The following CNKSR1 variants were observed in gnomAD, a reference collection of about 807,000 sequenced individuals.
CNKSR1 encodes connector enhancer of kinase suppressor of Ras 1, also known as CNK homolog protein 1.
In CNKSR1, 88 loss-of-function variants were observed where a neutral mutation model predicts 95.6. The ratio of observed to expected loss-of-function variants is 0.92; its 90% CI spans 0.78 to 1.10. The LOEUF (loss-of-function observed/expected upper bound fraction) is 1.10. CNKSR1 is among the 50% of genes least tolerant of loss of function. CNKSR1 has a pLI of 0.00. For missense variants in CNKSR1, 836 were observed against 912.0 expected (o/e 0.92, Z 1.07); for synonymous variants, 355 against 369.7 (o/e 0.96, Z 0.46).
intron 4 of CNKSR1, 112 bp from the exon 5 acceptor site, chr1:26,182,249 T>C (rs2088659047): frequency 6.3e-6 from 7 of 1,105,410 alleles, no homozygotes; most frequent in South Asian, 4.0e-5. Context: ...AGGGGGCCAG[T>C]GTAGGGAAGG....
intron 16 of CNKSR1, among the ~76,000 whole-genome samples, chr1:26,188,025 T>C (rs2088786111): frequency 6.6e-6 from 1 of 151,988 alleles, no homozygotes; most frequent in African/African-American, 2.4e-5. Context: ...CTTCCCAAAG[T>C]GCTGGGGTGA....
In CNKSR1 at chr1:26,180,485, G is replaced by A. The variant is rs1205322973; in HGVS notation, c.85G>A (p.Glu29Lys). 6.2e-7 allele frequency: 1 copy of A among 1,614,018 alleles called. No individual in the cohort carries two copies. Among genetic ancestry groups the A allele is most frequent in the African/African-American group, 1.3e-5 (1 of 74,912 alleles). ...LDDSLQDYPFEDWQLPGKNLL... is the reference protein window; with the variant it reads ...LDDSLQDYPFKDWQLPGKNLL... ...CGACTCCCTGCAGGACTATCCCTTT[G>A]AGGACTGGCAGCTGCCTGGCAAGAA... The change falls in exon 2 of 21, where the codon GAG (glutamate) becomes AAG (lysine). Residue 29 changes from glutamate (E) to lysine (K), a missense_variant. Physicochemically the swap from Glu to Lys is moderately conservative, Grantham distance 56. Transcript: ENST00000361530.
At chr1:26,180,407 T>C in intron 1 of CNKSR1, 46 bp from the exon 2 acceptor site, 1 of 1,611,070 alleles carries the variant, frequency 6.2e-7, no homozygotes, top group South Asian at 1.1e-5. Flanking sequence ...TCCCAAAAGG[T>C]CCTGACACCT....
chr1:26,183,111 C>G (rs2088674383), intron 6 of CNKSR1, 86 bp from the exon 7 acceptor site: 3 of 1,334,688 alleles, frequency 2.2e-6, no homozygotes, highest in African/African-American at 2.9e-5. Flanking sequence ...TTCCACCCAC[C>G]ATAGAGTCCT....
intron 13 of CNKSR1, 115 bp downstream of exon 13, chr1:26,184,727 C>T (rs530442934): frequency 3.1e-6 from 4 of 1,275,668 alleles, no homozygotes. Context: ...CTGGAAACAG[C>T]TCTGTTTCTA....
intron 1 of CNKSR1, among the ~76,000 whole-genome samples, chr1:26,178,876 A>G (rs2088602069): frequency 6.6e-6 from 1 of 151,938 alleles, no homozygotes; most frequent in African/African-American, 2.4e-5. Flanking sequence ...CCAGGGAGTG[A>G]TAGGTTCATG....
intron 1 of CNKSR1, chr1:26,180,155 C>G: frequency 2.1e-6 from 1 of 476,288 alleles, no homozygotes; most frequent in East Asian, 4.1e-5. Context: ...CTGCTGGGCC[C>G]CAACCTCAGA....
At position 26,187,240 on chromosome 1, in the gene CNKSR1, T is replaced by C. The variant is rs1413534930; in HGVS notation, c.1381T>C (p.Tyr461His). 1 of 1,612,652 alleles carries C rather than the reference T, an allele frequency of 6.2e-7. No homozygotes were observed. The highest frequency in any genetic ancestry group is 8.5e-7 in the Non-Finnish European group (1 of 1,178,976). The change falls in exon 15 of 21, where the codon TAT (tyrosine) becomes CAT (histidine). Residue 461 changes from tyrosine (Y) to histidine (H), a missense_variant and splice_region_variant. Coordinates refer to ENST00000361530, the MANE Select transcript of CNKSR1 (RefSeq NM_006314.3). ...LESGHDQKKKYVFQLTHDVYK... is the reference protein window; with the variant it reads ...LESGHDQKKKHVFQLTHDVYK... ...AAGTGGACATGATCAGAAGAAGAAATAGTTAAGTCTTGGGGTGTGATGGGC... is the reference window on the plus strand; with the variant it reads ...AAGTGGACATGATCAGAAGAAGAAACAGTTAAGTCTTGGGGTGTGATGGGC...
intron 6 of CNKSR1, among the ~76,000 whole-genome samples, 172 bp downstream of exon 6, chr1:26,182,756 C>T (rs2088669241): frequency 6.6e-6 from 1 of 152,180 alleles, no homozygotes; most frequent in African/African-American, 2.4e-5. Flanking sequence ...CGTTGCTCTG[C>T]ACCTCCCCAG....
chr1:26,185,043 G>T lies in CNKSR1; in HGVS notation c.1165G>T (p.Val389Leu). The T allele has an allele frequency of 6.2e-7, 1 of 1,603,054 alleles. No homozygotes were observed. The highest frequency in any genetic ancestry group is 8.5e-7 in the Non-Finnish European group (1 of 1,178,392). ...GLATRLSRRR[V>L]SCRELGRPDC... ...GGCGACCCGGCTGAGCCGCCGGCGG[G>T]TGTCATGCCGTGAGCTGGGCCGGCC... The change falls in exon 14 of 21, where the codon GTG (valine) becomes TTG (leucine). Residue 389 changes from valine (V) to leucine (L), a missense_variant. Coordinates refer to ENST00000361530, the MANE Select transcript of CNKSR1 (RefSeq NM_006314.3).
Position 26,189,396 on chromosome 1 carries a change from G to A in CNKSR1, c.1990G>A (p.Ala664Thr). The A allele has an allele frequency of 1.2e-6, 2 of 1,613,964 alleles. No homozygotes were observed. Among genetic ancestry groups the A allele is most frequent in the Non-Finnish European group, 1.7e-6 (2 of 1,179,832 alleles). The change falls in exon 21 of 21, where the codon GCC becomes ACC. Residue 664 changes from alanine (A) to threonine (T), a missense_variant. Coordinates refer to ENST00000361530, the MANE Select transcript of CNKSR1 (RefSeq NM_006314.3). ...NRELYSEGLGAWGVAQAEGSS... is the reference protein window; with the variant it reads ...NRELYSEGLGTWGVAQAEGSS... The stretch of plus-strand genomic sequence containing the variant: ...GGAGCTGTACTCAGAGGGCCTGGGG[G>A]CCTGGGGAGTGGCACAGGCTGAAGG...
rs765009827 is a variant in CNKSR1 at position 26,183,429 on chromosome 1, G to T, written c.753+15G>T. On this transcript the variant is annotated intron_variant, in intron 8 of 20. Coordinates refer to ENST00000361530, the MANE Select transcript of CNKSR1 (RefSeq NM_006314.3). Reference sequence around the variant, plus strand: ...AGCAGGTGGTGGTGCGTGAGGAGAGGGACATGGTAGGAGGTGAAGGGGTCA... The same window carrying T: ...AGCAGGTGGTGGTGCGTGAGGAGAGTGACATGGTAGGAGGTGAAGGGGTCA... 6.2e-7 allele frequency: 1 copy of T among 1,613,770 alleles called. No individual in the cohort carries two copies. The highest frequency in any genetic ancestry group is 1.1e-5 in the South Asian group (1 of 91,054).
At chr1:26,187,568 A>ACAAATTC (rs1393356016) in intron 16 of CNKSR1, 86 bp downstream of exon 16, 82 of 1,326,998 alleles carry the variant, frequency 6.2e-5, no homozygotes, top group Non-Finnish European at 8.8e-5. Flanking sequence ...GCCTGGAGAT[A>ACAAATTC]CAAATTCCAG....
Position 26,183,375 on chromosome 1 carries a change from G to A in CNKSR1, c.714G>A (p.Gln238=), listed in dbSNP as rs2088680312. The A allele has an allele frequency of 6.2e-7, 1 of 1,614,084 alleles. No homozygotes were observed. The highest frequency in any genetic ancestry group is 1.3e-5 in the African/African-American group (1 of 74,932). The change falls in exon 8 of 21, where the codon CAG becomes CAA. Residue 238 remains glutamine, a synonymous_variant. Transcript: ENST00000361530. ...QVPTDSRLQI[Q]PGDEVVQINE... is the part of the protein sequence containing the mutation. Reference sequence around the variant, plus strand: ...CCACTGACTCCCGACTGCAGATCCAGCCTGGAGACGAGGTTGTCCAGATCA... The same window carrying A: ...CCACTGACTCCCGACTGCAGATCCAACCTGGAGACGAGGTTGTCCAGATCA...
Position 26,184,441 on chromosome 1 carries a change from G to A in CNKSR1, c.1041G>A (p.Pro347=), listed in dbSNP as rs148237566. The A allele has an allele frequency of 6.0e-3, 9,663 of 1,613,044 alleles. 36 individuals are homozygous for A. Among genetic ancestry groups the A allele is most frequent in the Non-Finnish European group, 6.7e-3 (7,961 of 1,179,660 alleles). ...GCCCTGAGCCCCTGCCCATCCCCCC[G>A]GAACCCCCAGCCATACTCCCAGCAG... ...SLGPEPLPIP[P]EPPAILPAGV... The change falls in exon 12 of 21, where the codon CCG becomes CCA. Residue 347 remains proline, a synonymous_variant. Coordinates refer to ENST00000361530, the MANE Select transcript of CNKSR1 (RefSeq NM_006314.3).
In CNKSR1 at chr1:26,185,119, GC is replaced by G. The variant is rs752657809; in HGVS notation, c.1244del (p.Pro415ArgfsTer66). ...LLRKAPGGFMGPRWRRRWFVL... is the reference protein window; with the variant it reads ...LLRKAPGGFMXPRWRRRWFVL... ...CGAAAGGCACCGGGCGGCTTCATGG[GC>G]CCGCGCTGGCGCCGCCGCTGGTTTG... On this transcript the variant is annotated frameshift_variant, in exon 14 of 21. Coordinates refer to ENST00000361530, the MANE Select transcript of CNKSR1 (RefSeq NM_006314.3). LOFTEE classifies it high-confidence loss of function. The G allele has an allele frequency of 1.8e-5, 28 of 1,591,640 alleles. No homozygotes were observed. In the Admixed American group the frequency reaches 3.7e-4, roughly 21 times the overall value.
chr1:26,185,180 GC>G lies in CNKSR1; in HGVS notation c.1306del (p.Gln436ArgfsTer45), dbSNP rs1172151028. 6 of 1,553,852 alleles carry G rather than the reference GC, an allele frequency of 3.9e-6. No individual in the cohort carries two copies. Among genetic ancestry groups the G allele is most frequent in the South Asian group, 1.2e-5 (1 of 84,396 alleles). On this transcript the variant is annotated frameshift_variant, in exon 14 of 21. Transcript: ENST00000361530. LOFTEE classifies it high-confidence loss of function. The part of the protein sequence containing the change: ...KGHTLYWYRQ[P>X]QDEKAEGLIN... Reference sequence around the variant, plus strand: ...GACACACGCTCTACTGGTACCGCCAGCCCCAGGTAAGACCCCATACACAAAA... The same window carrying G: ...GACACACGCTCTACTGGTACCGCCAGCCCAGGTAAGACCCCATACACAAAA...
chr1:26,187,279 C>T, intron 15 of CNKSR1, 38 bp downstream of exon 15: 1 of 1,598,286 alleles, frequency 6.3e-7, no homozygotes, highest in Non-Finnish European at 8.6e-7. Flanking sequence ...GGGATGGAGA[C>T]AGAAAGGGAG....
chr1:26,187,221 A>G lies in CNKSR1; in HGVS notation c.1362A>G (p.Gly454=). The G allele has an allele frequency of 6.2e-7, 1 of 1,614,004 alleles. No individual in the cohort carries two copies. The highest frequency in any genetic ancestry group is 8.5e-7 in the Non-Finnish European group (1 of 1,179,840). Residue 454 remains glycine (G), a synonymous_variant, in exon 15 of 21, where the codon GGA becomes GGG. Coordinates refer to ENST00000361530, the MANE Select transcript of CNKSR1 (RefSeq NM_006314.3). ...TCTCCAACTATAGTCTGGAAAGTGGACATGATCAGAAGAAGAAATAGTTAA... is the reference window on the plus strand; with the variant it reads ...TCTCCAACTATAGTCTGGAAAGTGGGCATGATCAGAAGAAGAAATAGTTAA... The part of the protein sequence containing the change: ...INVSNYSLES[G]HDQKKKYVFQ...
Sources: allele counts gnomAD v4.1 joint callset (sites outside exome capture counted in the v4.1 genomes callset), GRCh38; gene constraint gnomAD v4.1.1; transcripts MANE v1.5; gene names NCBI Gene and HGNC (gene_info 2026-07-23, HGNC 2026-07-21).